TMC2: variants seen among roughly 807,000 people sequenced by gnomAD.
TMC2 encodes the protein transmembrane channel-like protein 2.
A neutral mutation model predicts 105.9 loss-of-function variants in TMC2; 102 were observed. That is an observed-to-expected ratio of 0.96 (90% CI 0.82 to 1.14). TMC2 has a LOEUF of 1.14. Ranked by LOEUF, TMC2 falls within the 50% of genes most tolerant of loss-of-function variation. The pLI, the probability that TMC2 is intolerant of heterozygous loss-of-function variation, is 0.00. For missense variants in TMC2, 1,093 were observed against 1,134.3 expected (o/e 0.96, Z 0.52); for synonymous variants, 402 against 422.8 (o/e 0.95, Z 0.60).
chr20:2,564,594 G>C (rs2086051431), intron 4 of TMC2, among the ~76,000 whole-genome samples: 1 of 152,168 alleles, frequency 6.6e-6, no homozygotes, highest in South Asian at 2.1e-4. Flanking sequence ...TTTATTAACA[G>C]TGGAAAAAGT....
intron 5 of TMC2, among the ~76,000 whole-genome samples, chr20:2,578,487 T>C (rs959493282): frequency 3.3e-5 from 5 of 152,100 alleles, no homozygotes; most frequent in African/African-American, 1.2e-4. Flanking sequence ...CCTTGGAGAG[T>C]TGACAAAACA....
At chr20:2,590,245 CA>C (rs1465368799) in intron 7 of TMC2, among the ~76,000 whole-genome samples, 6 of 151,976 alleles carry the variant, frequency 3.9e-5, no homozygotes. Context: ...TAAGGAAAAA[CA>C]AGGGAATTGT....
chr20:2,563,119 C>T (rs2086039388), intron 4 of TMC2, among the ~76,000 whole-genome samples: 2 of 152,254 alleles, frequency 1.3e-5, no homozygotes, highest in East Asian at 1.9e-4. Flanking sequence ...GAAGCCCATG[C>T]TCCCTGGCTC....
chr20:2,637,405 C>G (rs1459535573), intron 18 of TMC2, 69 bp from the exon 19 acceptor site: 10 of 820,308 alleles, frequency 1.2e-5, no homozygotes, highest in Non-Finnish European at 1.7e-5. Flanking sequence ...AAAAAAATCA[C>G]TCTCAACACC....
In TMC2 at chr20:2,612,575, A is replaced by G. The variant is rs1417098400; in HGVS notation, c.1743+235A>G. The stretch of plus-strand genomic sequence containing the variant: ...GATTGGTGTCTGGTAGATATTTTCA[A>G]TTTTTCCAAAAACATAGTAAATTAT... On this transcript the variant is annotated intron_variant, in intron 13 of 19. Coordinates refer to ENST00000358864, the MANE Select transcript of TMC2 (RefSeq NM_080751.3). 6.2e-4 allele frequency among the ~76,000 whole-genome samples: 94 copies of G among 152,240 alleles called. 1 individual carries two copies. The highest frequency in any genetic ancestry group is 5.8e-4 in the East Asian group (3 of 5,182).
At chr20:2,545,093 ACTAC>A in intron 2 of TMC2, among the ~76,000 whole-genome samples, 2 of 152,130 alleles carry the variant, frequency 1.3e-5, no homozygotes, top group South Asian at 4.2e-4. Flanking sequence ...TGTAGTTCTA[ACTAC>A]ACATGAGGCT....
rs1555774377 is a variant in TMC2, at chr20:2,589,270, C to CTTTGTGTGTGTGTGTGTGTG, written c.835-3039_835-3038insTTGTGTGTGTGTGTGTGTGT. 7.9e-4 allele frequency among the ~76,000 whole-genome samples: 92 copies of CTTTGTGTGTGTGTGTGTGTG among 116,352 alleles called. 1 individual carries two copies. Among genetic ancestry groups the CTTTGTGTGTGTGTGTGTGTG allele is most frequent in the African/African-American group, 3.4e-3 (89 of 25,824 alleles). The allele number at this position is 116,352 out of a possible 152,430, so 76.3% of individuals were successfully genotyped here. A position where few individuals can be genotyped will look rare whatever the true frequency, so the allele number is the denominator to read the frequency against. ...TTTTCCAGATATCTTCCTATTTGCCCTGTGTGTGTGTGTGTGTGTGTGTGT... is the reference window on the plus strand; with the variant it reads ...TTTTCCAGATATCTTCCTATTTGCCCTTTGTGTGTGTGTGTGTGTGTGTGTGTGTGTGTGTGTGTGTGTGT... On this transcript the variant is annotated intron_variant, in intron 7 of 19. Transcript: ENST00000358864.
At chr20:2,597,105 C>T (rs772041901) in intron 9 of TMC2, 46 bp from the exon 10 acceptor site, 6 of 1,586,170 alleles carry the variant, frequency 3.8e-6, no homozygotes, top group Non-Finnish European at 4.3e-6. Flanking sequence ...GGGGGTGACA[C>T]AGCAGAAAGA....
At chr20:2,631,244 A>T (rs1276218103) in intron 17 of TMC2, among the ~76,000 whole-genome samples, 1 of 152,324 alleles carries the variant, frequency 6.6e-6, no homozygotes, top group African/African-American at 2.4e-5. Flanking sequence ...TTTCTGCCAC[A>T]CAAATTACAT....
At position 2,592,401 on chromosome 20, in the gene TMC2, AT is replaced by A; in HGVS notation, c.930del (p.Phe310LeufsTer24). 3 of 1,610,652 alleles carry A rather than the reference AT, an allele frequency of 1.9e-6. No homozygotes were observed. Among genetic ancestry groups the A allele is most frequent in the Non-Finnish European group, 2.5e-6 (3 of 1,176,886 alleles). On this transcript the variant is annotated frameshift_variant, in exon 8 of 20. Transcript: ENST00000358864. LOFTEE classifies it high-confidence loss of function. The surrounding 1 kb of genome is among the most constrained non-coding windows in gnomAD (Gnocchi z 4.9). ...EKAMDFSVLW[D>X]FEGYIKYSAL... is the part of the protein sequence containing the mutation. Reference sequence around the variant, plus strand: ...GCCATGGATTTTTCTGTCCTTTGGGATTTTGAGGTACTATTGTCAACATGCC... The same window carrying A: ...GCCATGGATTTTTCTGTCCTTTGGGATTTGAGGTACTATTGTCAACATGCC...
chr20:2,614,820 A>G (rs774515097), intron 14 of TMC2, among the ~76,000 whole-genome samples: 1 of 151,878 alleles, frequency 6.6e-6, no homozygotes, highest in Non-Finnish European at 1.5e-5. Flanking sequence ...TATATAAATT[A>G]TATAAAAATG....
intron 15 of TMC2, 35 bp from the exon 16 acceptor site, chr20:2,617,037 C>T: frequency 6.2e-7 from 1 of 1,613,208 alleles, no homozygotes; most frequent in Non-Finnish European, 8.5e-7. Context: ...TCCCTGCTGT[C>T]CAGCCAACCA....
In TMC2 at chr20:2,597,855, T is replaced by A. The variant is rs1487067377; in HGVS notation, c.1224+557T>A. Among the ~76,000 whole-genome samples, 7 of 152,100 alleles carry A rather than the reference T, an allele frequency of 4.6e-5. No individual in the cohort carries two copies. In the East Asian group the frequency reaches 1.3e-3, roughly 29 times the overall value. Reference sequence around the variant, plus strand: ...ATGCTGAGACCTGGTGCTGCCTGTTTCTACGTGAAACACATTTCTGCTGGA... The same window carrying A: ...ATGCTGAGACCTGGTGCTGCCTGTTACTACGTGAAACACATTTCTGCTGGA... On this transcript the variant is annotated intron_variant, in intron 10 of 19. Coordinates refer to ENST00000358864, the MANE Select transcript of TMC2 (RefSeq NM_080751.3).
chr20:2,556,303 A>T (rs2085985018), intron 2 of TMC2, among the ~76,000 whole-genome samples: 1 of 151,810 alleles, frequency 6.6e-6, no homozygotes, highest in Non-Finnish European at 1.5e-5. Context: ...CTGGTCTCGA[A>T]CTCCTGACTT....
chr20:2,578,246 G>A (rs976222321), intron 5 of TMC2, among the ~76,000 whole-genome samples: 3 of 152,064 alleles, frequency 2.0e-5, no homozygotes, highest in Non-Finnish European at 2.9e-5. Context: ...CTTGAACCCC[G>A]GAGGTGGAGG....
At chr20:2,584,790 CT>C (rs61306929) in intron 7 of TMC2, among the ~76,000 whole-genome samples, 4,519 of 146,050 alleles carry the variant, frequency 0.031, 150 homozygotes, top group African/African-American at 0.081. Context: ...TCTGAAATGT[CT>C]TTTTTTTTTT....
At chr20:2,610,727 T>A (rs944093378) in intron 12 of TMC2, 129 bp downstream of exon 12, 21 of 559,776 alleles carry the variant, frequency 3.8e-5, no homozygotes, top group South Asian at 1.8e-4. Context: ...AAAATAAAAT[T>A]AAAAAAAAAC....
Position 2,602,115 on chromosome 20 carries a change from A to G in TMC2, c.1227A>G (p.Glu409=), listed in dbSNP as rs1568520435. Residue 409 remains glutamate, a splice_region_variant and synonymous_variant, in exon 11 of 20, where the codon GAA becomes GAG. Transcript: ENST00000358864. ...KYASITTSFK[E]SIVDEQESNK... Reference sequence around the variant, plus strand: ...ACATCTCATTTTCACACATTAAGGAATCAATAGTGGATGAACAAGAGAGTA... The same window carrying G: ...ACATCTCATTTTCACACATTAAGGAGTCAATAGTGGATGAACAAGAGAGTA... The G allele has an allele frequency of 6.2e-7, 1 of 1,608,022 alleles. No homozygotes were observed. The highest frequency in any genetic ancestry group is 8.5e-7 in the Non-Finnish European group (1 of 1,176,828).
chr20:2,546,483 G>GTTGGGCCTAAGCTGTAGATC (rs1555770071), intron 2 of TMC2, among the ~76,000 whole-genome samples: 6 of 149,774 alleles, frequency 4.0e-5, no homozygotes, highest in African/African-American at 1.5e-4. Context: ...AACCTGCAGA[G>GTTGGGCCTAAGCTGTAGATC]TTGGGCATAA....
Sources: allele counts gnomAD v4.1 joint callset (sites outside exome capture counted in the v4.1 genomes callset), GRCh38; gene constraint gnomAD v4.1.1; non-coding constraint Gnocchi (gnomAD v3.1); transcripts MANE v1.5; gene names NCBI Gene and HGNC (gene_info 2026-07-23, HGNC 2026-07-21).